GPC5: variants seen among roughly 807,000 people sequenced by gnomAD.
GPC5 encodes glypican 5.
In GPC5, 47 loss-of-function variants were observed where a neutral mutation model predicts 53.9. That is an observed-to-expected ratio of 0.87 (90% CI 0.69 to 1.11). The LOEUF (loss-of-function observed/expected upper bound fraction) is 1.11, where lower values mean the gene tolerates loss of function less well. Among genes scored for constraint, GPC5 ranks in the 50% most tolerant of loss-of-function variants. GPC5 has a pLI of 0.00. For missense variants in GPC5, 748 were observed against 713.1 expected, an observed-to-expected ratio of 1.05 and a Z score of -0.56; for synonymous variants, 286 against 263.3, an observed-to-expected ratio of 1.09 and a Z score of -0.84.
At chr13:92,340,035 G>A (rs1267993864) in intron 7 of GPC5, 1 of 152,024 alleles carries the variant, frequency 6.6e-6, no homozygotes, top group Admixed American at 6.6e-5. Flanking sequence ...GTAGCTAAGT[G>A]TTCACTTTTT....
At chr13:92,772,456 A>G (rs1449585224) in intron 7 of GPC5, among the ~76,000 whole-genome samples, 1 of 152,178 alleles carries the variant, frequency 6.6e-6, no homozygotes, top group Non-Finnish European at 1.5e-5. Context: ...TACATGTACA[A>G]AGCTCTTCTC....
At chr13:91,992,104 C>T (rs772320767) in intron 6 of GPC5, among the ~76,000 whole-genome samples, 8 of 152,022 alleles carry the variant, frequency 5.3e-5, no homozygotes, top group Non-Finnish European at 7.4e-5. Flanking sequence ...TAGTAGTGGT[C>T]ATAGATTACT....
intron 7 of GPC5, among the ~76,000 whole-genome samples, chr13:92,548,137 C>A (rs1187640618): frequency 2.0e-5 from 3 of 151,974 alleles, no homozygotes; most frequent in African/African-American, 4.8e-5. Context: ...CTGCGCCCGG[C>A]CATGGCTATT....
intron 7 of GPC5, among the ~76,000 whole-genome samples, chr13:92,357,675 C>T (rs921676338): frequency 6.6e-6 from 1 of 151,536 alleles, no homozygotes; most frequent in Non-Finnish European, 1.5e-5. Context: ...TCTAAGGAAA[C>T]TTAATATCAG....
At chr13:91,943,619 T>C (rs2039948210) in intron 6 of GPC5, among the ~76,000 whole-genome samples, 1 of 152,206 alleles carries the variant, frequency 6.6e-6, no homozygotes, top group Non-Finnish European at 1.5e-5. Flanking sequence ...TCAATTTTTG[T>C]GGATTAACTG....
At chr13:92,125,677 A>G (rs1219434290) in intron 6 of GPC5, among the ~76,000 whole-genome samples, 1 of 152,100 alleles carries the variant, frequency 6.6e-6, no homozygotes, top group African/African-American at 2.4e-5. Flanking sequence ...TTAAGCATTG[A>G]TTTAACAATT....
At chr13:92,760,830 G>A (rs750535965) in intron 7 of GPC5, among the ~76,000 whole-genome samples, 1 of 151,684 alleles carries the variant, frequency 6.6e-6, no homozygotes, top group African/African-American at 2.4e-5. Context: ...GTATCCCATA[G>A]GTTTTGATTT....
chr13:91,628,622 C>T (rs1284171396), intron 2 of GPC5, among the ~76,000 whole-genome samples: 1 of 152,116 alleles, frequency 6.6e-6, no homozygotes, highest in Non-Finnish European at 1.5e-5. Context: ...TCAGACAGTA[C>T]TTGATATCAC....
At chr13:92,593,946 T>G (rs1050431219) in intron 7 of GPC5, among the ~76,000 whole-genome samples, 21 of 152,058 alleles carry the variant, frequency 1.4e-4, no homozygotes, top group African/African-American at 4.8e-4. Flanking sequence ...CACCACAAAA[T>G]GTATGTAATG....
chr13:91,652,965 G>A (rs997145628), intron 2 of GPC5, among the ~76,000 whole-genome samples: 3 of 152,138 alleles, frequency 2.0e-5, no homozygotes, highest in Non-Finnish European at 4.4e-5. Context: ...AATTGTTGAC[G>A]TGCTGATCAA....
At chr13:92,091,596 A>T (rs1370649957) in intron 6 of GPC5, among the ~76,000 whole-genome samples, 1 of 152,174 alleles carries the variant, frequency 6.6e-6, no homozygotes, top group Non-Finnish European at 1.5e-5. Context: ...TCTAAGAAGT[A>T]GAGTAACATA....
intron 2 of GPC5, among the ~76,000 whole-genome samples, chr13:91,625,028 A>G (rs997826084): frequency 6.6e-6 from 1 of 151,938 alleles, no homozygotes; most frequent in African/African-American, 2.4e-5. Flanking sequence ...TCATGCAATA[A>G]AAGTGAAATA....
intron 6 of GPC5, among the ~76,000 whole-genome samples, chr13:92,036,877 C>G (rs2040897434): frequency 6.6e-6 from 1 of 152,158 alleles, no homozygotes; most frequent in South Asian, 2.1e-4. Flanking sequence ...GTATTTCTCT[C>G]TAACTCTTCC....
intron 2 of GPC5, among the ~76,000 whole-genome samples, chr13:91,630,667 A>G (rs766523488): frequency 5.3e-5 from 8 of 152,056 alleles, no homozygotes; most frequent in Non-Finnish European, 1.2e-4. Flanking sequence ...CAGAATGGAG[A>G]AGCCTCTTTG....
intron 7 of GPC5, among the ~76,000 whole-genome samples, chr13:92,673,607 G>T (rs1886830003): frequency 6.6e-6 from 1 of 152,030 alleles, no homozygotes; most frequent in Non-Finnish European, 1.5e-5. Flanking sequence ...TGTTTTTCCT[G>T]CATTTTCATT....
chr13:92,375,466 A>T (rs2043686259), intron 7 of GPC5, among the ~76,000 whole-genome samples: 1 of 152,210 alleles, frequency 6.6e-6, no homozygotes, highest in Admixed American at 6.5e-5. Flanking sequence ...AAAAATAGAC[A>T]TACAATAAGT....
At chr13:92,012,079 A>C (rs575504063) in intron 6 of GPC5, among the ~76,000 whole-genome samples, 1 of 152,306 alleles carries the variant, frequency 6.6e-6, no homozygotes, top group East Asian at 1.9e-4. Context: ...AATAAGAGAG[A>C]ATTTAATATT....
At chr13:92,865,270 C>T (rs1879303368) in intron 7 of GPC5, among the ~76,000 whole-genome samples, 2 of 152,116 alleles carry the variant, frequency 1.3e-5, no homozygotes, top group African/African-American at 4.8e-5. Flanking sequence ...TCCCTAACTT[C>T]ATTCTCCAGT....
At chr13:92,667,756 T>C (rs1886623327) in intron 7 of GPC5, among the ~76,000 whole-genome samples, 1 of 152,168 alleles carries the variant, frequency 6.6e-6, no homozygotes, top group Non-Finnish European at 1.5e-5. Flanking sequence ...ATAAGACATA[T>C]TACATTTTTT....
Sources: allele counts gnomAD v4.1 joint callset (sites outside exome capture counted in the v4.1 genomes callset), GRCh38; gene constraint gnomAD v4.1.1; transcripts MANE v1.5; gene names NCBI Gene and HGNC (gene_info 2026-07-23, HGNC 2026-07-21).